The following AKAP7 variants were observed in gnomAD, a reference collection of about 807,000 sequenced individuals.
AKAP7 encodes the protein A-kinase anchoring protein 7.
Under a neutral mutation model 39.5 loss-of-function variants are expected in AKAP7, and 39 were observed. The ratio of observed to expected loss-of-function variants is 0.99; its 90% CI spans 0.76 to 1.29. AKAP7 has a LOEUF of 1.29. AKAP7 is among the 50% of genes most tolerant of loss of function. The pLI is 0.00. For synonymous variants in AKAP7, 140 were observed against 139.1 expected, an observed-to-expected ratio of 1.01 and a Z score of -0.05; for missense variants, 414 against 407.7, an observed-to-expected ratio of 1.02 and a Z score of -0.13.
At chr6:131,272,464 G>A (rs1814367709) in intron 7 of AKAP7, among the ~76,000 whole-genome samples, 1 of 152,192 alleles carries the variant, frequency 6.6e-6, no homozygotes, top group East Asian at 1.9e-4. Flanking sequence ...TTTGATAACT[G>A]ACTTGAGACC....
chr6:131,226,324 A>G lies in AKAP7; in HGVS notation c.850+6516A>G, dbSNP rs566060938. Among the ~76,000 whole-genome samples, 30 of 152,322 alleles carry G rather than the reference A, an allele frequency of 2.0e-4. 1 individual carries two copies. Among genetic ancestry groups the G allele is most frequent in the South Asian group, 1.2e-3 (6 of 4,826 alleles). ...GAGCATTAGGAGACTTTGGTCGGAT[A>G]TGGTGGCAACATTCCTATTTTCAGA... On this transcript the variant is annotated intron_variant, in intron 7 of 7. Transcript: ENST00000431975.
intron 5 of AKAP7, among the ~76,000 whole-genome samples, chr6:131,170,729 T>C (rs959334775): frequency 1.3e-5 from 2 of 152,190 alleles, no homozygotes; most frequent in African/African-American, 4.8e-5. Context: ...CTTAAGATAT[T>C]TGTGATAAAT....
chr6:131,130,647 C>T (rs1800306345), upstream of AKAP7, among the ~76,000 whole-genome samples: 1 of 152,130 alleles, frequency 6.6e-6, no homozygotes, highest in Non-Finnish European at 1.5e-5. Flanking sequence ...CTGGGAGAAT[C>T]CACTGTGGCC....
intron 7 of AKAP7, among the ~76,000 whole-genome samples, chr6:131,275,120 C>G (rs1434592159): frequency 6.6e-6 from 1 of 152,156 alleles, no homozygotes; most frequent in Non-Finnish European, 1.5e-5. Flanking sequence ...TAGGTGCTTA[C>G]TAAAGTGTTG....
At chr6:131,238,830 C>T (rs1256245480) in intron 7 of AKAP7, among the ~76,000 whole-genome samples, 1 of 152,146 alleles carries the variant, frequency 6.6e-6, no homozygotes, top group East Asian at 1.9e-4. Flanking sequence ...TTTCTGAATA[C>T]AGCACACTGA....
At chr6:131,179,889 A>AAAT (rs1297447160) in intron 5 of AKAP7, among the ~76,000 whole-genome samples, 11 of 149,932 alleles carry the variant, frequency 7.3e-5, no homozygotes, top group South Asian at 4.2e-4. Context: ...ATAAATAAAT[A>AAAT]AATAAATAAT....
chr6:131,142,883 G>A (rs1292099106), intron 1 of AKAP7, among the ~76,000 whole-genome samples: 1 of 152,260 alleles, frequency 6.6e-6, no homozygotes, highest in Non-Finnish European at 1.5e-5. Context: ...GCTCCAGTGT[G>A]CCCTGGATGT....
chr6:131,269,075 G>A (rs1281920628), intron 7 of AKAP7, among the ~76,000 whole-genome samples: 1 of 151,638 alleles, frequency 6.6e-6, no homozygotes. Context: ...TTTTTTTTTG[G>A]AAACAGAGTC....
chr6:131,155,301 A>C (rs1287700371), intron 2 of AKAP7, among the ~76,000 whole-genome samples: 1 of 152,240 alleles, frequency 6.6e-6, no homozygotes, highest in Non-Finnish European at 1.5e-5. Flanking sequence ...GGCATGAGCC[A>C]CTGTGCCTGG....
At chr6:131,242,902 G>A (rs1811729489) in intron 7 of AKAP7, among the ~76,000 whole-genome samples, 1 of 152,152 alleles carries the variant, frequency 6.6e-6, no homozygotes, top group Non-Finnish European at 1.5e-5. Context: ...CCTTTCAAAG[G>A]AGAAACCAAC....
At chr6:131,270,179 T>C (rs1814153712) in intron 7 of AKAP7, among the ~76,000 whole-genome samples, 1 of 152,320 alleles carries the variant, frequency 6.6e-6, no homozygotes, top group African/African-American at 2.4e-5. Context: ...ACAATCAAGA[T>C]TGTGAACAGT....
At chr6:131,224,154 A>G (rs1809946991) in intron 7 of AKAP7, among the ~76,000 whole-genome samples, 1 of 152,204 alleles carries the variant, frequency 6.6e-6, no homozygotes, top group Non-Finnish European at 1.5e-5. Flanking sequence ...TTAAAATCAT[A>G]TGTGCATCTA....
In AKAP7 at chr6:131,164,934, A is replaced by C. The variant is rs1020930732; in HGVS notation, c.292-147A>C. 4 of 616,044 alleles carry C rather than the reference A, an allele frequency of 6.5e-6. No individual in the cohort carries two copies. In the East Asian group the frequency reaches 1.2e-4, roughly 18 times the overall value. The allele number at this position is 616,044 out of a possible 1,614,324, so 38.2% of individuals were successfully genotyped here. On this transcript the variant is annotated intron_variant, in intron 3 of 7. Transcript: ENST00000431975. ...CTATCTGTTTGAGAACAAGTAGACA[A>C]TTAAGCATTCATTTGGTTGAAGAAT...
intron 7 of AKAP7, among the ~76,000 whole-genome samples, chr6:131,259,953 C>T (rs1813171238): frequency 6.6e-6 from 1 of 152,100 alleles, no homozygotes; most frequent in Admixed American, 6.6e-5. Flanking sequence ...TCTCTTGCCC[C>T]TCATCCACCC....
chr6:131,186,795 C>T (rs1805907872), intron 5 of AKAP7, among the ~76,000 whole-genome samples: 1 of 147,216 alleles, frequency 6.8e-6, no homozygotes, highest in South Asian at 2.1e-4. Context: ...GGACAGTAAT[C>T]CCATTAATGA....
intron 7 of AKAP7, among the ~76,000 whole-genome samples, chr6:131,277,869 G>GT (rs1475144133): frequency 6.6e-6 from 1 of 152,148 alleles, no homozygotes; most frequent in Non-Finnish European, 1.5e-5. Context: ...TGGTTGGTTA[G>GT]TTAGTTATTA....
At chr6:131,215,725 T>A (rs1013468654) in intron 6 of AKAP7, among the ~76,000 whole-genome samples, 4 of 152,226 alleles carry the variant, frequency 2.6e-5, no homozygotes, top group African/African-American at 9.6e-5. Context: ...GGGGCAGTGA[T>A]CACTAAAAGT....
At chr6:131,211,796 AAG>A (rs1254384360) in intron 6 of AKAP7, among the ~76,000 whole-genome samples, 1 of 151,056 alleles carries the variant, frequency 6.6e-6, no homozygotes, top group Non-Finnish European at 1.5e-5. Flanking sequence ...AAAAAAAAGA[AAG>A]AAAATTTATG....
rs1267960868 is a variant in AKAP7, at chr6:131,135,612, C to T, written c.-152C>T. ...GCCTCCGCCGCCCGGGCCCCCGCAG[C>T]CTGTCGCTGGACCCCGCGCCGGCCC... On this transcript the variant is annotated 5_prime_UTR_variant, in exon 1 of 8. Transcript: ENST00000431975. 3 of 637,912 alleles carry T rather than the reference C, an allele frequency of 4.7e-6. No homozygotes were observed. The highest frequency in any genetic ancestry group is 1.3e-4 in the East Asian group (1 of 7,652). The allele number at this position is 637,912 out of a possible 1,614,324, so 39.5% of individuals were successfully genotyped here.
Sources: allele counts gnomAD v4.1 joint callset (sites outside exome capture counted in the v4.1 genomes callset), GRCh38; gene constraint gnomAD v4.1.1; transcripts MANE v1.5; gene names NCBI Gene and HGNC (gene_info 2026-07-23, HGNC 2026-07-21).